The following SNTG2 variants were observed in gnomAD, a reference collection of about 807,000 sequenced individuals.
SNTG2 encodes the protein gamma-2-syntrophin.
A neutral mutation model predicts 70.9 loss-of-function variants in SNTG2; 74 were observed. The ratio of observed to expected loss-of-function variants is 1.04; its 90% CI spans 0.86 to 1.27. SNTG2 has a LOEUF of 1.27. Ranked by LOEUF, SNTG2 falls within the 50% of genes most tolerant of loss-of-function variation. SNTG2 has a pLI of 0.00. For missense variants in SNTG2, 717 were observed against 690.7 expected (o/e 1.04, Z -0.43); for synonymous variants, 278 against 273.8 (o/e 1.02, Z -0.15).
chr2:1,205,139 A>C (rs1673551524), intron 8 of SNTG2, among the ~76,000 whole-genome samples: 1 of 152,180 alleles, frequency 6.6e-6, no homozygotes, highest in South Asian at 2.1e-4. Flanking sequence ...ACGTAGACTT[A>C]AGAGTGTGCT....
chr2:1,167,341 C>T (rs149977457), intron 7 of SNTG2, among the ~76,000 whole-genome samples: 2,581 of 147,972 alleles, frequency 0.017, 47 homozygotes, highest in African/African-American at 0.061. Flanking sequence ...CGCCCACAGA[C>T]GGCAGAACTG....
intron 1 of SNTG2, among the ~76,000 whole-genome samples, chr2:1,009,645 G>A (rs1308018935): frequency 1.5e-4 from 16 of 107,478 alleles, no homozygotes; most frequent in Admixed American, 1.3e-3. Flanking sequence ...GTGTATGGCA[G>A]CCACACCTGT....
At chr2:1,199,720 A>G (rs1410397156) in intron 8 of SNTG2, among the ~76,000 whole-genome samples, 2 of 152,110 alleles carry the variant, frequency 1.3e-5, no homozygotes, top group Non-Finnish European at 1.5e-5. Context: ...ATTTCTCAAT[A>G]CCAATAACAA....
At chr2:1,110,164 A>G (rs547012175) in intron 4 of SNTG2, among the ~76,000 whole-genome samples, 1 of 152,322 alleles carries the variant, frequency 6.6e-6, no homozygotes, top group South Asian at 2.1e-4. Flanking sequence ...TCTGTGGCAC[A>G]GCGGCTGTGG....
chr2:1,339,611 C>T (rs1303097901), intron 16 of SNTG2, among the ~76,000 whole-genome samples: 1 of 152,168 alleles, frequency 6.6e-6, no homozygotes, highest in Non-Finnish European at 1.5e-5. Context: ...GAGTGGAAGC[C>T]TTGTCACATC....
intron 8 of SNTG2, among the ~76,000 whole-genome samples, chr2:1,204,211 T>C (rs1314937960): frequency 1.3e-5 from 2 of 152,182 alleles, no homozygotes; most frequent in Non-Finnish European, 2.9e-5. Context: ...CTCTGTTTCA[T>C]AATTTGGATT....
intron 1 of SNTG2, among the ~76,000 whole-genome samples, chr2:1,038,786 G>A (rs1232030559): frequency 7.1e-6 from 1 of 141,006 alleles, no homozygotes; most frequent in Non-Finnish European, 1.6e-5. Flanking sequence ...ATTATTTAAA[G>A]GAAAGCTAGA....
At chr2:976,163 T>C (rs1179978679) in intron 1 of SNTG2, among the ~76,000 whole-genome samples, 1 of 152,206 alleles carries the variant, frequency 6.6e-6, no homozygotes, top group Non-Finnish European at 1.5e-5. Flanking sequence ...GTGGTGTGCT[T>C]ATCAACAGAA....
At chr2:1,125,732 CTT>C (rs1233778804) in intron 4 of SNTG2, among the ~76,000 whole-genome samples, 1 of 127,514 alleles carries the variant, frequency 7.8e-6, no homozygotes, top group Non-Finnish European at 1.9e-5. Context: ...AATTGAGAAA[CTT>C]TTTCTCTCTT....
At chr2:954,147 C>T (rs1037607574) in intron 1 of SNTG2, among the ~76,000 whole-genome samples, 1 of 152,182 alleles carries the variant, frequency 6.6e-6, no homozygotes, top group Non-Finnish European at 1.5e-5. Context: ...CTCTGCTGCG[C>T]ACCCCTAGCT....
chr2:1,310,567 G>A (rs1007456434), intron 15 of SNTG2, among the ~76,000 whole-genome samples: 3 of 152,284 alleles, frequency 2.0e-5, no homozygotes, highest in East Asian at 1.9e-4. Flanking sequence ...TGGGAGTGAT[G>A]TTTGTGAGTT....
At chr2:1,031,695 T>G (rs1443171002) in intron 1 of SNTG2, among the ~76,000 whole-genome samples, 7 of 151,480 alleles carry the variant, frequency 4.6e-5, no homozygotes, top group African/African-American at 2.4e-5. Context: ...CACGCCCAGC[T>G]AATTTGTTTC....
intron 16 of SNTG2, among the ~76,000 whole-genome samples, chr2:1,351,825 C>T (rs1180321790): frequency 2.0e-5 from 3 of 152,182 alleles, no homozygotes; most frequent in South Asian, 2.1e-4. Flanking sequence ...AATGCTCACC[C>T]CACCCTCTCT....
chr2:1,018,598 A>G (rs1285578105), intron 1 of SNTG2, among the ~76,000 whole-genome samples: 1 of 152,112 alleles, frequency 6.6e-6, no homozygotes, highest in Non-Finnish European at 1.5e-5. Flanking sequence ...AGTTTGGAAA[A>G]GGAGGAAGGA....
chr2:1,083,071 G>C, intron 1 of SNTG2, among the ~76,000 whole-genome samples: 1 of 152,104 alleles, frequency 6.6e-6, no homozygotes, highest in African/African-American at 2.4e-5. Flanking sequence ...CTCGGCTGTC[G>C]TTACTTCCAA....
chr2:1,276,986 G>A (rs1043250368), intron 14 of SNTG2, among the ~76,000 whole-genome samples: 5 of 152,228 alleles, frequency 3.3e-5, no homozygotes, highest in Admixed American at 6.5e-5. Flanking sequence ...GAAGGCTGAA[G>A]ATGATTGAAT....
chr2:1,210,861 G>A (rs1187273190), intron 9 of SNTG2, among the ~76,000 whole-genome samples: 1 of 152,176 alleles, frequency 6.6e-6, no homozygotes, highest in Non-Finnish European at 1.5e-5. Flanking sequence ...CTGGTTTGTA[G>A]CCTAGGACCA....
chr2:1,070,271 G>T (rs1052075842), intron 1 of SNTG2, among the ~76,000 whole-genome samples: 2 of 152,050 alleles, frequency 1.3e-5, no homozygotes, highest in Non-Finnish European at 2.9e-5. Flanking sequence ...ACAGGTAGAT[G>T]TGGGACATTG....
intron 16 of SNTG2, among the ~76,000 whole-genome samples, chr2:1,366,657 C>T (rs1364164381): frequency 6.6e-6 from 1 of 152,194 alleles, no homozygotes; most frequent in Non-Finnish European, 1.5e-5. Flanking sequence ...GAACAAGGCC[C>T]CTCCTCGCTT....
Sources: allele counts gnomAD v4.1 joint callset (sites outside exome capture counted in the v4.1 genomes callset), GRCh38; gene constraint gnomAD v4.1.1; transcripts MANE v1.5; gene names NCBI Gene and HGNC (gene_info 2026-07-23, HGNC 2026-07-21).